Variants in BCKDHB observed in about 807,000 individuals in gnomAD.
The protein encoded by BCKDHB is 2-oxoisovalerate dehydrogenase subunit beta, mitochondrial.
A neutral mutation model predicts 48.5 loss-of-function variants in BCKDHB; 41 were observed. The ratio of observed to expected loss-of-function variants is 0.85; its 90% CI spans 0.66 to 1.10. BCKDHB has a LOEUF of 1.10. BCKDHB is among the 50% of genes least tolerant of loss of function. The pLI is 0.00. For synonymous variants in BCKDHB, 201 were observed against 174.8 expected (o/e 1.15, Z -1.18); for missense variants, 496 against 494.2 (o/e 1.00, Z -0.03).
At chr6:80,359,954 A>G in the BCKDHB span, among the ~76,000 whole-genome samples, 9 of 152,210 alleles carry the variant, frequency 5.9e-5, no homozygotes, top group Admixed American at 3.3e-4. Context: ...ATTTTACCTC[A>G]GAGTGAAAAG....
chr6:80,354,414 A>C, the BCKDHB span, among the ~76,000 whole-genome samples: 3 of 152,086 alleles, frequency 2.0e-5, no homozygotes, highest in African/African-American at 4.8e-5. Context: ...ATTTTAGTAG[A>C]GACGGGGTTT....
At chr6:80,263,232 A>G (rs1777377755) in intron 8 of BCKDHB, among the ~76,000 whole-genome samples, 2 of 152,202 alleles carry the variant, frequency 1.3e-5, no homozygotes, top group African/African-American at 4.8e-5. Flanking sequence ...ATAAAACACA[A>G]TAAATTTCTC....
chr6:80,446,542 G>A, the BCKDHB span, among the ~76,000 whole-genome samples: 1 of 152,078 alleles, frequency 6.6e-6, no homozygotes. Context: ...CGGTAATGAG[G>A]GGCAGCCTGC....
the BCKDHB span, among the ~76,000 whole-genome samples, chr6:80,379,703 G>A: frequency 2.0e-5 from 3 of 151,986 alleles, no homozygotes; most frequent in South Asian, 6.2e-4. Flanking sequence ...AACCCTAAAG[G>A]CTCCTCCAGA....
At chr6:80,280,090 A>T (rs548753345) in intron 9 of BCKDHB, among the ~76,000 whole-genome samples, 6 of 152,328 alleles carry the variant, frequency 3.9e-5, no homozygotes, top group Admixed American at 2.0e-4. Flanking sequence ...CTGTAGCGTA[A>T]GGTAAGCGTT....
At chr6:80,117,514 G>T (rs1309579784) in intron 1 of BCKDHB, among the ~76,000 whole-genome samples, 1 of 152,192 alleles carries the variant, frequency 6.6e-6, no homozygotes, top group African/African-American at 2.4e-5. Context: ...CCCAAAACTG[G>T]CCATAAAGAG....
At chr6:80,357,582 A>T in the BCKDHB span, among the ~76,000 whole-genome samples, 2 of 152,198 alleles carry the variant, frequency 1.3e-5, no homozygotes, top group Non-Finnish European at 2.9e-5. Context: ...TCTCCATATC[A>T]TAGGAGACAG....
chr6:80,234,142 G>A (rs1010020390), intron 8 of BCKDHB, among the ~76,000 whole-genome samples: 3 of 152,180 alleles, frequency 2.0e-5, no homozygotes, highest in African/African-American at 7.2e-5. Flanking sequence ...ATGCTCCCTT[G>A]CCTGCTGCTC....
chr6:80,303,192 T>TTA lies in BCKDHB; in HGVS notation c.1038+29983_1038+29984dup, dbSNP rs373858124. ...ATTTTTTAATTTAGCATTAAATGCTTTATATATATATATTTATTATGCCTT... is the reference window on the plus strand; with the variant it reads ...ATTTTTTAATTTAGCATTAAATGCTTTATATATATATATATTTATTATGCCTT... On this transcript the variant is annotated intron_variant, in intron 9 of 9. Coordinates refer to ENST00000320393, the MANE Select transcript of BCKDHB (RefSeq NM_183050.4). 2.6e-3 allele frequency among the ~76,000 whole-genome samples: 399 copies of TTA among 151,934 alleles called. 2 individuals carry two copies. The highest frequency in any genetic ancestry group is 4.4e-3 in the African/African-American group (183 of 41,478).
chr6:80,323,006 G>C (rs1768826990), intron 9 of BCKDHB, among the ~76,000 whole-genome samples: 1 of 147,750 alleles, frequency 6.8e-6, no homozygotes, highest in Admixed American at 6.9e-5. Context: ...TAACAGTTAA[G>C]AGCTCATGCT....
At chr6:80,318,891 A>G (rs1768576606) in intron 9 of BCKDHB, among the ~76,000 whole-genome samples, 1 of 152,174 alleles carries the variant, frequency 6.6e-6, no homozygotes, top group African/African-American at 2.4e-5. Flanking sequence ...CTATTTTATA[A>G]AAGGGACTTG....
At chr6:80,125,620 G>T (rs961574626) in intron 1 of BCKDHB, among the ~76,000 whole-genome samples, 2 of 152,114 alleles carry the variant, frequency 1.3e-5, no homozygotes, top group East Asian at 3.9e-4. Context: ...ATCACTGTAG[G>T]TCTAATTTTC....
intron 6 of BCKDHB, among the ~76,000 whole-genome samples, chr6:80,185,331 T>A: frequency 6.6e-6 from 1 of 152,192 alleles, no homozygotes; most frequent in Non-Finnish European, 1.5e-5. Context: ...CTGCACTGTT[T>A]TTTTTTAAAT....
At chr6:80,225,242 T>C (rs1775632598) in intron 8 of BCKDHB, among the ~76,000 whole-genome samples, 1 of 152,184 alleles carries the variant, frequency 6.6e-6, no homozygotes, top group African/African-American at 2.4e-5. Flanking sequence ...AATGGTCCTT[T>C]AGATATGGCT....
chr6:80,432,532 T>A, the BCKDHB span, among the ~76,000 whole-genome samples: 1,687 of 152,258 alleles, frequency 0.011, 17 homozygotes, highest in African/African-American at 0.026. Context: ...CGGCTCCATC[T>A]GGTCATTTAT....
chr6:80,207,692 G>A (rs1441617555), intron 8 of BCKDHB, among the ~76,000 whole-genome samples: 1 of 151,664 alleles, frequency 6.6e-6, no homozygotes, highest in Admixed American at 6.6e-5. Flanking sequence ...GAAAAAGAAA[G>A]CTGGTGTAGA....
At chr6:80,206,007 A>G (rs1395764385) in intron 8 of BCKDHB, among the ~76,000 whole-genome samples, 1 of 152,018 alleles carries the variant, frequency 6.6e-6, no homozygotes, top group African/African-American at 2.4e-5. Context: ...GGCTGTAGTG[A>G]CAAAATTGAA....
the BCKDHB span, among the ~76,000 whole-genome samples, chr6:80,355,251 T>A: frequency 1.3e-5 from 2 of 151,900 alleles, no homozygotes; most frequent in Admixed American, 1.3e-4. Flanking sequence ...AACACAAAAA[T>A]TAACTGGGCA....
At chr6:80,353,534 A>G in the BCKDHB span, among the ~76,000 whole-genome samples, 1 of 120,014 alleles carries the variant, frequency 8.3e-6, no homozygotes, top group Non-Finnish European at 1.8e-5. Flanking sequence ...TTCTCACTAA[A>G]ATGTGTTTTT....
Sources: allele counts gnomAD v4.1 joint callset (sites outside exome capture counted in the v4.1 genomes callset), GRCh38; gene constraint gnomAD v4.1.1; transcripts MANE v1.5; gene names NCBI Gene and HGNC (gene_info 2026-07-23, HGNC 2026-07-21).